Variants in CLVS2 observed in about 807,000 individuals in gnomAD.
CLVS2 encodes clavesin-2.
Under a neutral mutation model 29.0 loss-of-function variants are expected in CLVS2, and 19 were observed. The ratio of observed to expected loss-of-function variants is 0.66; its 90% CI spans 0.46 to 0.96. The LOEUF is 0.96. Among genes scored for constraint, CLVS2 ranks in the 40% least tolerant of loss-of-function variants. CLVS2 has a pLI of 0.00. For synonymous variants in CLVS2, 161 were observed against 151.3 expected, an observed-to-expected ratio of 1.06 and a Z score of -0.47; for missense variants, 294 against 404.1, an observed-to-expected ratio of 0.73 and a Z score of 2.34.
At chr6:123,031,506 TTAAG>T (rs1483386683) in intron 3 of CLVS2, among the ~76,000 whole-genome samples, 4 of 152,196 alleles carry the variant, frequency 2.6e-5, no homozygotes, top group African/African-American at 9.6e-5. Context: ...AAGGTAGACT[TTAAG>T]TGTTTTCACC....
At chr6:123,062,800 G>A (rs1451998466) in intron 5 of CLVS2, among the ~76,000 whole-genome samples, 1 of 152,206 alleles carries the variant, frequency 6.6e-6, no homozygotes, top group Non-Finnish European at 1.5e-5. Flanking sequence ...TGGCTGGAAT[G>A]CAGCAGCAGG....
chr6:123,000,742 C>A (rs1329774584), intron 2 of CLVS2, among the ~76,000 whole-genome samples: 1 of 152,198 alleles, frequency 6.6e-6, no homozygotes, highest in African/African-American at 2.4e-5. Context: ...CTGGATTTCT[C>A]CAGAAGACTG....
At chr6:123,058,533 G>T (rs1772727789) in intron 5 of CLVS2, among the ~76,000 whole-genome samples, 1 of 152,098 alleles carries the variant, frequency 6.6e-6, no homozygotes, top group Non-Finnish European at 1.5e-5. Flanking sequence ...TTATTTAACT[G>T]TTCTTGTTGA....
intron 5 of CLVS2, 73 bp from the exon 6 acceptor site, chr6:123,063,601 C>A: frequency 1.2e-6 from 1 of 822,122 alleles, no homozygotes; most frequent in Non-Finnish European, 2.0e-6. Context: ...GAAGTAATGA[C>A]AAAAAGAGGA....
At chr6:123,003,232 A>G (rs1047139457) in intron 2 of CLVS2, among the ~76,000 whole-genome samples, 6 of 152,226 alleles carry the variant, frequency 3.9e-5, no homozygotes, top group African/African-American at 1.4e-4. Context: ...GAGCCAAGCT[A>G]TTTTCATGTT....
chr6:123,062,969 C>T (rs554758845), intron 5 of CLVS2, among the ~76,000 whole-genome samples: 1 of 152,318 alleles, frequency 6.6e-6, no homozygotes, highest in East Asian at 1.9e-4. Context: ...AGACAGAAGC[C>T]CCACCTGCTA....
chr6:123,029,557 A>T (rs1775052987), intron 3 of CLVS2, among the ~76,000 whole-genome samples: 1 of 152,160 alleles, frequency 6.6e-6, no homozygotes, highest in Admixed American at 6.5e-5. Context: ...TTCATGAATA[A>T]GGAAATAAGG....
intron 2 of CLVS2, among the ~76,000 whole-genome samples, chr6:123,003,531 A>G (rs1774620968): frequency 6.6e-6 from 1 of 152,196 alleles, no homozygotes; most frequent in Non-Finnish European, 1.5e-5. Context: ...TGGGATCGTT[A>G]TGATACCATA....
At chr6:123,020,138 T>A (rs980171957) in intron 3 of CLVS2, among the ~76,000 whole-genome samples, 1 of 152,070 alleles carries the variant, frequency 6.6e-6, no homozygotes, top group African/African-American at 2.4e-5. Context: ...CTTGGTCTAG[T>A]CAAATTGATA....
intron 3 of CLVS2, among the ~76,000 whole-genome samples, chr6:123,028,158 A>C (rs1775029749): frequency 6.6e-6 from 1 of 152,172 alleles, no homozygotes; most frequent in Non-Finnish European, 1.5e-5. Flanking sequence ...AATATCGGAG[A>C]GCATCTGAAT....
At position 122,998,121 on chromosome 6, in the gene CLVS2, G is replaced by A; in HGVS notation, c.344G>A (p.Gly115Asp). 6.2e-7 allele frequency: 1 copy of A among 1,613,814 alleles called. No individual in the cohort carries two copies. Among genetic ancestry groups the A allele is most frequent in the Non-Finnish European group, 8.5e-7 (1 of 1,180,026 alleles). The change falls in exon 2 of 6, where the codon GGC (glycine) becomes GAC (aspartate). Residue 115 changes from glycine (G) to aspartate (D), a missense_variant. Gly to Asp is a moderately conservative substitution (Grantham distance 94, BLOSUM62 -1). Transcript: ENST00000275162. ...PGGLANLDHY[G>D]RKILVLFAAN... is the part of the protein sequence containing the mutation. ...GGCCTGGCCAATCTGGACCACTATG[G>A]CAGGAAGATTCTAGTCCTTTTTGCT...
intron 4 of CLVS2, among the ~76,000 whole-genome samples, chr6:123,053,749 C>T (rs1434829555): frequency 1.3e-5 from 2 of 151,680 alleles, no homozygotes; most frequent in African/African-American, 4.8e-5. Context: ...GTGTGGGGGG[C>T]GTGGAGTCAG....
At chr6:123,000,952 C>T (rs1220132647) in intron 2 of CLVS2, among the ~76,000 whole-genome samples, 1 of 152,154 alleles carries the variant, frequency 6.6e-6, no homozygotes, top group Non-Finnish European at 1.5e-5. Context: ...AATTTTCCAA[C>T]TACAAAAGGA....
At chr6:123,033,908 G>A (rs930596645) in intron 3 of CLVS2, among the ~76,000 whole-genome samples, 2 of 151,968 alleles carry the variant, frequency 1.3e-5, no homozygotes, top group African/African-American at 4.8e-5. Context: ...TAAAACACAC[G>A]GACAGACATT....
At position 123,063,918 on chromosome 6, in the gene CLVS2, C is replaced by T; in HGVS notation, c.*157C>T. The T allele has an allele frequency of 2.2e-6, 1 of 456,992 alleles. No homozygotes were observed. The highest frequency in any genetic ancestry group is 3.4e-5 in the East Asian group (1 of 29,262). 28.3% of individuals were successfully genotyped at this position (456,992 alleles called of 1,614,324 possible). On this transcript the variant is annotated 3_prime_UTR_variant, in exon 6 of 6. Transcript: ENST00000275162. ...GCATCAGGCTTTCCTTGGCCTGAAC[C>T]ATGGGGGCCCTGGGCTGGATTTTTA...
intron 3 of CLVS2, among the ~76,000 whole-genome samples, chr6:123,018,329 C>G (rs1774870027): frequency 6.6e-6 from 1 of 151,978 alleles, no homozygotes; most frequent in Non-Finnish European, 1.5e-5. Flanking sequence ...CTCTTCAGAT[C>G]AAAACTCCAA....
At chr6:123,033,853 C>A (rs1339444009) in intron 3 of CLVS2, among the ~76,000 whole-genome samples, 1 of 151,926 alleles carries the variant, frequency 6.6e-6, no homozygotes, top group Non-Finnish European at 1.5e-5. Flanking sequence ...TATAAAAAAT[C>A]ATTAAAAATT....
intron 4 of CLVS2, among the ~76,000 whole-genome samples, chr6:123,051,073 C>A (rs946524336): frequency 2.0e-5 from 3 of 152,000 alleles, no homozygotes; most frequent in African/African-American, 7.2e-5. Flanking sequence ...ATACACAGTG[C>A]AAAGCTATTA....
At position 122,998,186 on chromosome 6, in the gene CLVS2, T is replaced by C; in HGVS notation, c.389+20T>C. The C allele has an allele frequency of 1.2e-6, 2 of 1,600,176 alleles. No homozygotes were observed. Among genetic ancestry groups the C allele is most frequent in the Admixed American group, 1.7e-5 (1 of 59,398 alleles). ...GAGCAGGTAAATCCTAAATCCAAAC[T>C]TGTATTCTCCTTTTACTCTCCCATT... On this transcript the variant is annotated intron_variant, in intron 2 of 5. Coordinates refer to ENST00000275162, the MANE Select transcript of CLVS2 (RefSeq NM_001010852.4).
Sources: gnomAD v4.1 joint callset for allele counts (sites outside exome capture counted in the v4.1 genomes callset) on GRCh38, gnomAD v4.1.1 for gene constraint, MANE v1.5 for transcripts, NCBI Gene and HGNC (gene_info 2026-07-23, HGNC 2026-07-21) for gene names.